P3H2: variants seen among roughly 807,000 people sequenced by gnomAD.
P3H2 encodes the protein prolyl 3-hydroxylase 2.
Under a neutral mutation model 87.0 loss-of-function variants are expected in P3H2, and 80 were observed. That is an observed-to-expected ratio of 0.92 (90% CI 0.77 to 1.11). The LOEUF is 1.11. Among genes scored for constraint, P3H2 ranks in the 50% least tolerant of loss-of-function variants. The pLI, the probability that P3H2 is intolerant of heterozygous loss-of-function variation, is 0.00. For synonymous variants in P3H2, 367 were observed against 359.3 expected, an observed-to-expected ratio of 1.02 and a Z score of -0.24; for missense variants, 1,001 against 923.9, an observed-to-expected ratio of 1.08 and a Z score of -1.08.
At chr3:190,119,295 C>A (rs1712438483) in intron 1 of P3H2, among the ~76,000 whole-genome samples, 1 of 151,898 alleles carries the variant, frequency 6.6e-6, no homozygotes, top group African/African-American at 2.4e-5. Flanking sequence ...AACCCCAAAG[C>A]TTCCACTTTT....
chr3:189,996,269 T>C (rs1267683703), intron 1 of P3H2, among the ~76,000 whole-genome samples: 3 of 152,206 alleles, frequency 2.0e-5, no homozygotes, highest in Admixed American at 2.0e-4. Context: ...AATGAAATAT[T>C]ATTCAGCCAT....
At chr3:190,054,568 T>G (rs1726090411) in intron 1 of P3H2, among the ~76,000 whole-genome samples, 1 of 152,156 alleles carries the variant, frequency 6.6e-6, no homozygotes, top group African/African-American at 2.4e-5. Context: ...ATTGGACCTC[T>G]ACAGAGATGC....
At chr3:190,006,912 AG>A (rs1048751982) in intron 1 of P3H2, among the ~76,000 whole-genome samples, 2 of 152,220 alleles carry the variant, frequency 1.3e-5, no homozygotes, top group Non-Finnish European at 2.9e-5. Context: ...TTTGATACTA[AG>A]GTGAGTTGTT....
At chr3:190,083,084 C>T (rs1727104538) in intron 1 of P3H2, among the ~76,000 whole-genome samples, 1 of 152,174 alleles carries the variant, frequency 6.6e-6, no homozygotes, top group African/African-American at 2.4e-5. Flanking sequence ...CCAAGCAGCT[C>T]ATAATGGTGT....
At chr3:190,007,986 A>ATATATATATATG (rs1560359925) in intron 1 of P3H2, among the ~76,000 whole-genome samples, 2 of 141,574 alleles carry the variant, frequency 1.4e-5, no homozygotes, top group African/African-American at 5.3e-5. Context: ...ATATATATAT[A>ATATATATATATG]GTAAACTTCA....
intron 1 of P3H2, among the ~76,000 whole-genome samples, chr3:190,000,214 T>A (rs1724168047): frequency 6.6e-6 from 1 of 152,176 alleles, no homozygotes; most frequent in South Asian, 2.1e-4. Flanking sequence ...TTATACCAAC[T>A]CTTTCCAGAG....
intron 1 of P3H2, among the ~76,000 whole-genome samples, chr3:190,061,992 T>C (rs1472937669): frequency 6.6e-6 from 1 of 152,118 alleles, no homozygotes; most frequent in Non-Finnish European, 1.5e-5. Context: ...TAATACATGG[T>C]AGTTGGATTT....
At position 190,010,882 on chromosome 3, in the gene P3H2, G is replaced by A. The variant is rs145365550; in HGVS notation, c.481-15440C>T. Among the ~76,000 whole-genome samples the A allele has an allele frequency of 6.7e-3, 1,018 of 152,300 alleles. 7 individuals are homozygous for A. Among genetic ancestry groups the A allele is most frequent in the Middle Eastern group, 0.014 (4 of 294 alleles). On this transcript the variant is annotated intron_variant, in intron 1 of 14. Coordinates refer to ENST00000319332, the MANE Select transcript of P3H2 (RefSeq NM_018192.4). ...CCTTAAGCTCTACTATATCCTCCCA[G>A]CATGATCAATGACAATGCTGGCAAC...
rs375945158 is a variant in P3H2 at position 190,081,703 on chromosome 3, G to T, written c.480+38549C>A. ...TGCTAGCCCTGCATATTACTGTTTT[G>T]CATGCATTAACTTCCTCAAAACCCT... On this transcript the variant is annotated intron_variant, in intron 1 of 14. Transcript: ENST00000319332. Among the ~76,000 whole-genome samples the T allele has an allele frequency of 2.2e-4, 34 of 152,220 alleles. No homozygotes were observed. The East Asian group carries it at 6.4e-3, about 29-fold the overall frequency.
upstream of P3H2, among the ~76,000 whole-genome samples, chr3:190,121,992 TG>T (rs917828854): frequency 6.7e-6 from 1 of 149,336 alleles, no homozygotes; most frequent in African/African-American, 2.5e-5. Flanking sequence ...CTCAGGAGGC[TG>T]AGGCAGGATA....
Position 189,957,263 on chromosome 3 carries a change from T to C in P3H2, c.*649A>G, listed in dbSNP as rs1367933019. On this transcript the variant is annotated 3_prime_UTR_variant, in exon 15 of 15. Transcript: ENST00000319332. ...CCTCAGACCCAAAGTGGAGCTCACT[T>C]TGGAGAGTCGGAGCTCATGGCCGTT... is the stretch of plus-strand genomic sequence containing the variant. 2.5e-6 allele frequency: 1 copy of C among 398,974 alleles called. No homozygotes were observed. Among genetic ancestry groups the C allele is most frequent in the African/African-American group, 2.1e-5 (1 of 48,496 alleles). 24.7% of individuals were successfully genotyped at this position (398,974 alleles called of 1,614,324 possible). A position where few individuals can be genotyped will look rare whatever the true frequency, so the allele number is the denominator to read the frequency against.
chr3:190,078,759 G>T (rs531455992), intron 1 of P3H2, among the ~76,000 whole-genome samples: 7 of 152,218 alleles, frequency 4.6e-5, no homozygotes, highest in Non-Finnish European at 8.8e-5. Flanking sequence ...CTTTTTATTT[G>T]TTTTTTATTT....
chr3:190,063,462 A>T lies in P3H2; in HGVS notation c.480+56790T>A, dbSNP rs546032519. 4.6e-5 allele frequency among the ~76,000 whole-genome samples: 7 copies of T among 152,294 alleles called. No individual in the cohort carries two copies. The South Asian group carries it at 1.4e-3, about 32-fold the overall frequency. On this transcript the variant is annotated intron_variant, in intron 1 of 14. Coordinates refer to ENST00000319332, the MANE Select transcript of P3H2 (RefSeq NM_018192.4). ...GGTTCTCTTTAAATAGGACAACCACATCAGACACCGCTTGCTACCAAAGTT... is the reference window on the plus strand; with the variant it reads ...GGTTCTCTTTAAATAGGACAACCACTTCAGACACCGCTTGCTACCAAAGTT...
intron 1 of P3H2, among the ~76,000 whole-genome samples, chr3:190,011,395 C>T (rs952683169): frequency 1.3e-5 from 2 of 151,940 alleles, no homozygotes; most frequent in South Asian, 2.1e-4. Context: ...TGGAGTGATA[C>T]ATTTGTTTTT....
chr3:190,075,367 C>A (rs1726837274), intron 1 of P3H2, among the ~76,000 whole-genome samples: 1 of 151,784 alleles, frequency 6.6e-6, no homozygotes, highest in African/African-American at 2.4e-5. Context: ...CACATGTAAT[C>A]CCAGCTACTC....
At chr3:190,057,598 A>G (rs1726198697) in intron 1 of P3H2, among the ~76,000 whole-genome samples, 1 of 151,866 alleles carries the variant, frequency 6.6e-6, no homozygotes, top group African/African-American at 2.4e-5. Context: ...TATTTGGGAT[A>G]ATGGTGTGGA....
intron 1 of P3H2, among the ~76,000 whole-genome samples, chr3:190,028,178 C>T (rs1443425480): frequency 5.3e-5 from 8 of 151,970 alleles, no homozygotes; most frequent in African/African-American, 1.9e-4. Context: ...AGTACTATGC[C>T]AAATAAGAGA....
Position 190,007,986 on chromosome 3 carries a change from A to G in P3H2, c.481-12544T>C, listed in dbSNP as rs57007386. On this transcript the variant is annotated intron_variant, in intron 1 of 14. Transcript: ENST00000319332. ...CACACATATATATATATATATATAT[A>G]GTAAACTTCAGTAACGTTGATGAAT... 4.0e-3 allele frequency among the ~76,000 whole-genome samples: 564 copies of G among 141,542 alleles called. 14 individuals are homozygous for G. Among genetic ancestry groups the G allele is most frequent in the African/African-American group, 0.014 (542 of 37,410 alleles). 92.9% of individuals were successfully genotyped at this position (141,542 alleles called of 152,430 possible).
chr3:190,062,204 A>ATCTCT (rs1458978624), intron 1 of P3H2, among the ~76,000 whole-genome samples: 3 of 152,062 alleles, frequency 2.0e-5, no homozygotes, highest in Admixed American at 2.0e-4. Context: ...CTGCAATACT[A>ATCTCT]TCTCTTTGCT....
Sources: gnomAD v4.1 joint callset for allele counts (sites outside exome capture counted in the v4.1 genomes callset) on GRCh38, gnomAD v4.1.1 for gene constraint, MANE v1.5 for transcripts, NCBI Gene and HGNC (gene_info 2026-07-23, HGNC 2026-07-21) for gene names.